SNAP47: variants seen among roughly 807,000 people sequenced by gnomAD.
SNAP47 encodes the protein synaptosomal-associated protein 47.
Under a neutral mutation model 31.4 loss-of-function variants are expected in SNAP47, and 20 were observed. The observed-to-expected ratio is 0.64, with a 90% CI of 0.45 to 0.93. The LOEUF (loss-of-function observed/expected upper bound fraction) is 0.93, where lower values mean the gene tolerates loss of function less well. Among genes scored for constraint, SNAP47 ranks in the 40% least tolerant of loss-of-function variants. The pLI is 0.00. For missense variants in SNAP47, 492 were observed against 528.5 expected (o/e 0.93, Z 0.68); for synonymous variants, 194 against 213.4 (o/e 0.91, Z 0.79).
At chr1:227,735,012 C>A, upstream of SNAP47, 1 of 1,538,668 alleles carries the variant, frequency 6.5e-7, no homozygotes, top group East Asian at 2.3e-5. Context: ...GCCGCCCCAC[C>A]GTAGGTCCGT....
chr1:227,752,608 C>A (rs1419989265), intron 2 of SNAP47, among the ~76,000 whole-genome samples: 1 of 152,198 alleles, frequency 6.6e-6, no homozygotes, highest in East Asian at 1.9e-4. Flanking sequence ...CATATAGACA[C>A]TGTATTTTTG....
At chr1:227,735,583 T>C in intron 1 of SNAP47, 84 bp downstream of exon 1, 5 of 1,337,348 alleles carry the variant, frequency 3.7e-6, no homozygotes, top group Non-Finnish European at 4.8e-6. Context: ...GCGCTGTGGC[T>C]GACACAGCCC....
At chr1:227,773,749 C>T (rs1327409600) in intron 4 of SNAP47, among the ~76,000 whole-genome samples, 1 of 152,228 alleles carries the variant, frequency 6.6e-6, no homozygotes, top group Non-Finnish European at 1.5e-5. Context: ...GTGTGCCATG[C>T]AGGCCTGCAG....
chr1:227,752,207 C>T (rs1364658459), intron 2 of SNAP47, among the ~76,000 whole-genome samples: 1 of 152,214 alleles, frequency 6.6e-6, no homozygotes, highest in Non-Finnish European at 1.5e-5. Flanking sequence ...TACGCACGAA[C>T]ACATCTCTCA....
chr1:227,758,552 C>T (rs1254060988), intron 2 of SNAP47, among the ~76,000 whole-genome samples: 1 of 152,158 alleles, frequency 6.6e-6, no homozygotes, highest in Admixed American at 6.6e-5. Context: ...GGGGAAGGGG[C>T]CTGCTAGGCA....
Position 227,759,029 on chromosome 1 carries a change from C to A in SNAP47, c.532C>A (p.Pro178Thr). 1.2e-6 allele frequency: 2 copies of A among 1,608,308 alleles called. No homozygotes were observed. Among genetic ancestry groups the A allele is most frequent in the Non-Finnish European group, 8.5e-7 (1 of 1,177,852 alleles). ...LTELESPAWW[P>T]FSSKLWKTPP... Reference sequence around the variant, plus strand: ...AGAACTGGAATCTCCTGCTTGGTGGCCCTTTAGCTCCAAGCTTTGGAAGAC... The same window carrying A: ...AGAACTGGAATCTCCTGCTTGGTGGACCTTTAGCTCCAAGCTTTGGAAGAC... The change falls in exon 3 of 5, where the codon CCC (proline) becomes ACC (threonine). Residue 178 changes from proline to threonine, a missense_variant. By Grantham distance (38) the Pro-to-Thr change is conservative (BLOSUM62 -1). Transcript: ENST00000617596.
upstream of SNAP47, chr1:227,735,267 G>A (rs763500823): frequency 5.0e-6 from 8 of 1,605,692 alleles, no homozygotes; most frequent in African/African-American, 1.3e-5. Context: ...CGCGTCTCGC[G>A]GTCCATCCAG....
chr1:227,733,592 T>A, upstream of SNAP47: 1 of 1,607,088 alleles, frequency 6.2e-7, no homozygotes. Context: ...GGCCTCTTCC[T>A]GCCCTGGGGG....
rs755441554 is a variant in SNAP47, at chr1:227,780,696, T to C, written c.*23T>C. On this transcript the variant is annotated 3_prime_UTR_variant, in exon 5 of 5. Transcript: ENST00000617596. ...TAGGGGCAGAACGTCCCTGCATTCC[T>C]GTCTCACCCTGCACATCCCGCTGAG... 8.5e-5 allele frequency: 137 copies of C among 1,613,346 alleles called. No individual in the cohort carries two copies. In the East Asian group the frequency reaches 3.0e-3, roughly 36 times the overall value.
intron 4 of SNAP47, among the ~76,000 whole-genome samples, chr1:227,779,803 G>A (rs1485009426): frequency 2.0e-5 from 3 of 152,134 alleles, no homozygotes; most frequent in Non-Finnish European, 4.4e-5. Flanking sequence ...CGCCCCTGCT[G>A]CAACCAGGGG....
At chr1:227,767,548 T>C (rs879056461) in intron 4 of SNAP47, among the ~76,000 whole-genome samples, 3 of 151,572 alleles carry the variant, frequency 2.0e-5, no homozygotes, top group East Asian at 3.9e-4. Context: ...TGTGAGTACA[T>C]GTGTGTGTTG....
Position 227,735,475 on chromosome 1 carries a change from C to CTGG in SNAP47, c.-69_-67dup. On this transcript the variant is annotated 5_prime_UTR_variant, in exon 1 of 5. Transcript: ENST00000617596. ...AGCGGCCGAGGCGCCGCGGTCGGCT[C>CTGG]TGGGACTCGTCTGGCGTCCCTCAGG... The CTGG allele has an allele frequency of 7.0e-7, 1 of 1,429,810 alleles. No homozygotes were observed. Among genetic ancestry groups the CTGG allele is most frequent in the Non-Finnish European group, 9.1e-7 (1 of 1,102,290 alleles). 88.6% of individuals were successfully genotyped at this position (1,429,810 alleles called of 1,614,324 possible).
chr1:227,770,899 C>A (rs1327886353), intron 4 of SNAP47, among the ~76,000 whole-genome samples: 1 of 152,260 alleles, frequency 6.6e-6, no homozygotes, highest in Admixed American at 6.5e-5. Context: ...GGACACCATG[C>A]TCTGTCCTGA....
At chr1:227,773,127 ATTT>A (rs34140624) in intron 4 of SNAP47, among the ~76,000 whole-genome samples, 22 of 102,372 alleles carry the variant, frequency 2.1e-4, no homozygotes, top group African/African-American at 8.2e-4. Context: ...CGTCCAGCTA[ATTT>A]TTTTTTTTTT....
At chr1:227,734,105 A>T (rs1017947388), upstream of SNAP47, 20 of 1,527,892 alleles carry the variant, frequency 1.3e-5, no homozygotes, top group African/African-American at 2.3e-4. Context: ...CGAGTGGGGC[A>T]ACTGAGACCA....
At chr1:227,749,284 G>T (rs1174201416) in intron 2 of SNAP47, among the ~76,000 whole-genome samples, 1 of 152,032 alleles carries the variant, frequency 6.6e-6, no homozygotes, top group Non-Finnish European at 1.5e-5. Context: ...TCAGTTCCTC[G>T]TCCTGGGGTC....
rs200193738 is a variant in SNAP47, at chr1:227,747,932, A to G, written c.196A>G (p.Ser66Gly). ...GAAGGAGGCTTCACATTTTATCTTC[A>G]GCTCCATCACCATCCTGGAGAAGGG... The part of the protein sequence containing the change: ...IKKEASHFIF[S>G]SITILEKGHA... The change falls in exon 2 of 5, where the codon AGC becomes GGC. Residue 66 changes from serine (S) to glycine (G), a missense_variant. By Grantham distance (56) the Ser-to-Gly change is moderately conservative. Coordinates refer to ENST00000617596, the MANE Select transcript of SNAP47 (RefSeq NM_053052.4). The G allele has an allele frequency of 1.9e-6, 3 of 1,614,156 alleles. No homozygotes were observed. The highest frequency in any genetic ancestry group is 2.7e-5 in the African/African-American group (2 of 75,028).
At chr1:227,773,764 G>C (rs564037196) in intron 4 of SNAP47, among the ~76,000 whole-genome samples, 3 of 152,192 alleles carry the variant, frequency 2.0e-5, no homozygotes, top group Admixed American at 6.5e-5. Context: ...CTGCAGCTTG[G>C]GGGGGTGTGC....
intron 2 of SNAP47, among the ~76,000 whole-genome samples, chr1:227,750,841 G>A (rs1662300748): frequency 6.6e-6 from 1 of 152,188 alleles, no homozygotes; most frequent in South Asian, 2.1e-4. Context: ...CTTTTTCTGT[G>A]CCCAGCCGAG....
Sources: allele counts gnomAD v4.1 joint callset (sites outside exome capture counted in the v4.1 genomes callset), GRCh38; gene constraint gnomAD v4.1.1; transcripts MANE v1.5; gene names NCBI Gene and HGNC (gene_info 2026-07-23, HGNC 2026-07-21).